The following UGT2A1 variants were observed in gnomAD, a reference collection of about 807,000 sequenced individuals.
UGT2A1 encodes UDP-glucuronosyltransferase 2A1.
UGT2A1 carries 61 observed loss-of-function variants against 45.4 expected under a neutral mutation model. That is an observed-to-expected ratio of 1.34 (90% CI 1.09 to 1.66). The LOEUF (loss-of-function observed/expected upper bound fraction) is 1.66. Among genes scored for constraint, UGT2A1 ranks in the 40% most tolerant of loss-of-function variants. The probability of loss-of-function intolerance (pLI) is 0.00; values close to 1 mark genes in which losing one functional copy is unlikely to be tolerated. For synonymous variants in UGT2A1, 229 were observed against 196.2 expected, an observed-to-expected ratio of 1.17 and a Z score of -1.40; for missense variants, 649 against 574.3, an observed-to-expected ratio of 1.13 and a Z score of -1.33.
chr4:69,647,435 T>G lies in UGT2A1; in HGVS notation c.210A>C (p.Thr70=). ...CAAAGGGCACCTTATATATTTCAAA[T>G]GTCAGAGATGGGTTAGAGGTTGGTG... The part of the protein sequence containing the change: ...FITPTSNPSL[T]FEIYKVPFGK... The change falls in exon 2 of 7, where the codon ACA becomes ACC. Residue 70 remains threonine (T), a synonymous_variant. Coordinates refer to ENST00000286604, the MANE Select transcript of UGT2A1 (RefSeq NM_001252275.3). 1 of 1,612,898 alleles carries G rather than the reference T, an allele frequency of 6.2e-7. No homozygotes were observed. The highest frequency in any genetic ancestry group is 8.5e-7 in the Non-Finnish European group (1 of 1,179,356).
At chr4:69,642,949 T>C (rs1722108689) in intron 2 of UGT2A1, among the ~76,000 whole-genome samples, 2 of 151,598 alleles carry the variant, frequency 1.3e-5, no homozygotes, top group South Asian at 4.1e-4. Flanking sequence ...TTGGTGTTTT[T>C]TTTTAAATAA....
intron 3 of UGT2A1, among the ~76,000 whole-genome samples, chr4:69,616,833 C>CTTTTTTTTTTTTTTTTT (rs4148315): frequency 7.9e-6 from 1 of 127,300 alleles, no homozygotes; most frequent in Non-Finnish European, 1.6e-5. Context: ...ATTTTCTTTT[C>CTTTTTTTTTTTTTTTTT]TTTTTTTTTT....
chr4:69,590,484 G>C (rs1393491954), intron 6 of UGT2A1, among the ~76,000 whole-genome samples: 1 of 152,122 alleles, frequency 6.6e-6, no homozygotes, highest in Non-Finnish European at 1.5e-5. Context: ...TTCCAGCCTG[G>C]ATTCATGAAG....
chr4:69,588,567 A>T lies in UGT2A1; in HGVS notation c.*805T>A, dbSNP rs546638333. 5.9e-5 allele frequency: 9 copies of T among 152,132 alleles called. No individual in the cohort carries two copies. Among genetic ancestry groups the T allele is most frequent in the Non-Finnish European group, 1.2e-4 (8 of 68,002 alleles). 9.4% of individuals were successfully genotyped at this position (152,132 alleles called of 1,614,324 possible). ...TTGTACAGTTGACTAAAAATTTTAT[A>T]AAAATGATAATTATTTTCTAGATTT... On this transcript the variant is annotated 3_prime_UTR_variant, in exon 7 of 7. Coordinates refer to ENST00000286604, the MANE Select transcript of UGT2A1 (RefSeq NM_001252275.3).
In UGT2A1 at chr4:69,641,197, A is replaced by G. The variant is rs544592344; in HGVS notation, c.716-5375T>C. ...GAGTAAGGGAAAAAATGATGATATT[A>G]GTCAACTTCCACTTTTACGTAATAT... On this transcript the variant is annotated intron_variant, in intron 2 of 6. Transcript: ENST00000286604. Among the ~76,000 whole-genome samples the G allele has an allele frequency of 8.5e-5, 13 of 152,072 alleles. No homozygotes were observed. The East Asian group carries it at 2.3e-3, about 27-fold the overall frequency.
intron 3 of UGT2A1, among the ~76,000 whole-genome samples, chr4:69,613,449 T>C (rs1720186141): frequency 6.6e-6 from 1 of 151,916 alleles, no homozygotes; most frequent in Admixed American, 6.6e-5. Context: ...CAAAACATGG[T>C]TGAAATATGT....
Position 69,588,926 on chromosome 4 carries a change from G to A in UGT2A1, c.*446C>T, listed in dbSNP as rs1718413301. ...TTCTCATAACACACTACTCTCCTAC[G>A]GTGGCTCCCTGATTTGTTTGGTATA... On this transcript the variant is annotated 3_prime_UTR_variant, in exon 7 of 7. Coordinates refer to ENST00000286604, the MANE Select transcript of UGT2A1 (RefSeq NM_001252275.3). The A allele has an allele frequency of 6.5e-6, 1 of 153,338 alleles. No homozygotes were observed. The highest frequency in any genetic ancestry group is 6.4e-5 in the Admixed American group (1 of 15,520). 9.5% of individuals were successfully genotyped at this position (153,338 alleles called of 1,614,324 possible). A position where few individuals can be genotyped will look rare whatever the true frequency, so the allele number is the denominator to read the frequency against.
intron 4 of UGT2A1, among the ~76,000 whole-genome samples, chr4:69,595,485 T>C (rs1718870650): frequency 6.6e-6 from 1 of 152,158 alleles, no homozygotes; most frequent in Non-Finnish European, 1.5e-5. Flanking sequence ...ACTTAAAAGC[T>C]TTTGGAAGTT....
chr4:69,617,326 G>A (rs1161564775), intron 3 of UGT2A1, among the ~76,000 whole-genome samples: 2 of 151,846 alleles, frequency 1.3e-5, no homozygotes, highest in Admixed American at 6.6e-5. Context: ...TAAGTATGGT[G>A]AGTCCAAATT....
chr4:69,615,658 T>C (rs924944873), intron 3 of UGT2A1, among the ~76,000 whole-genome samples: 1 of 151,782 alleles, frequency 6.6e-6, no homozygotes, highest in African/African-American at 2.4e-5. Context: ...AAAACTATAA[T>C]GAGATATCAT....
chr4:69,602,780 A>G (rs956745558), intron 3 of UGT2A1, among the ~76,000 whole-genome samples: 2 of 137,646 alleles, frequency 1.5e-5, no homozygotes, highest in African/African-American at 2.9e-5. Flanking sequence ...GTTCACAGAT[A>G]AGAAGATCAA....
Position 69,615,174 on chromosome 4 carries a change from C to A in UGT2A1, c.848-15780G>T, listed in dbSNP as rs183325690. ...AGACAAACCATATCAATCTCTATCT[C>A]TCACCATACACAAAAATCAAATCAC... On this transcript the variant is annotated intron_variant, in intron 3 of 6. Coordinates refer to ENST00000286604, the MANE Select transcript of UGT2A1 (RefSeq NM_001252275.3). Among the ~76,000 whole-genome samples, 35 of 152,092 alleles carry A rather than the reference C, an allele frequency of 2.3e-4. 1 individual carries two copies. The highest frequency in any genetic ancestry group is 1.9e-3 in the Admixed American group (29 of 15,226).
intron 6 of UGT2A1, among the ~76,000 whole-genome samples, chr4:69,590,872 A>T (rs538681378): frequency 9.8e-5 from 15 of 152,288 alleles, no homozygotes; most frequent in Non-Finnish European, 1.9e-4. Flanking sequence ...TATGACTGAT[A>T]TGTTAAAATA....
rs1722315103 is a variant in UGT2A1 at position 69,647,264 on chromosome 4, A to G, written c.381T>C (p.Asp127=). The change falls in exon 2 of 7, where the codon GAT becomes GAC. Residue 127 remains aspartate (D), a synonymous_variant. Transcript: ENST00000286604. ...DFHMVSQEIC[D]GVLKNQQLMA... ...TCAGCTGTTGGTTTTTAAGAACGCC[A>G]TCACAGATCTCCTGAGACACCATGT... 1.2e-6 allele frequency: 2 copies of G among 1,613,288 alleles called. No homozygotes were observed. Among genetic ancestry groups the G allele is most frequent in the African/African-American group, 1.3e-5 (1 of 74,870 alleles).
At chr4:69,652,147 A>C (rs1426631942) in intron 1 of UGT2A1, among the ~76,000 whole-genome samples, 6 of 150,830 alleles carry the variant, frequency 4.0e-5, no homozygotes, top group Non-Finnish European at 1.5e-5. Flanking sequence ...TCAGACCTGT[A>C]AGGATTCGCC....
chr4:69,603,275 T>A (rs894524824), intron 3 of UGT2A1, among the ~76,000 whole-genome samples: 1 of 134,108 alleles, frequency 7.5e-6, no homozygotes, highest in Non-Finnish European at 1.6e-5. Flanking sequence ...AGAACTAATA[T>A]AAAGGAAAGC....
chr4:69,625,509 T>G (rs1442574458), intron 3 of UGT2A1, among the ~76,000 whole-genome samples: 3 of 151,378 alleles, frequency 2.0e-5, no homozygotes, highest in Non-Finnish European at 4.4e-5. Context: ...TATCTTTAAA[T>G]TCTTTTTTTC....
In UGT2A1 at chr4:69,646,994, GT is replaced by G. The variant is rs745901508; in HGVS notation, c.650del (p.His217ProfsTer22). The G allele has an allele frequency of 6.2e-6, 10 of 1,612,088 alleles. No individual in the cohort carries two copies. Among genetic ancestry groups the G allele is most frequent in the South Asian group, 3.3e-5 (3 of 90,866 alleles). On this transcript the variant is annotated frameshift_variant, in exon 2 of 7. Transcript: ENST00000286604. LOFTEE classifies it high-confidence loss of function. ...GAGTTTCAAACATGTAGTCCTGTAGGTGGTAGGAGATGAAATTTCTTATTCT... is the reference window on the plus strand; with the variant it reads ...GAGTTTCAAACATGTAGTCCTGTAGGGGTAGGAGATGAAATTTCTTATTCT... ...TDRIRNFISY[H>X]LQDYMFETLW...
intron 3 of UGT2A1, among the ~76,000 whole-genome samples, chr4:69,609,314 G>A (rs1341611479): frequency 6.6e-6 from 1 of 151,858 alleles, no homozygotes; most frequent in African/African-American, 2.4e-5. Context: ...ACCAAACCTA[G>A]CTATTTTTTT....
Sources: gnomAD v4.1 joint callset for allele counts (sites outside exome capture counted in the v4.1 genomes callset) on GRCh38, gnomAD v4.1.1 for gene constraint, MANE v1.5 for transcripts, NCBI Gene and HGNC (gene_info 2026-07-23, HGNC 2026-07-21) for gene names.